DPP10: variants seen among roughly 807,000 people sequenced by gnomAD.
The protein encoded by DPP10 is dipeptidyl peptidase like 10.
A neutral mutation model predicts 120.9 loss-of-function variants in DPP10; 33 were observed. The observed-to-expected ratio is 0.27, with a 90% CI of 0.21 to 0.37. The LOEUF is 0.37. DPP10 is among the 10% of genes least tolerant of loss of function. DPP10 has a pLI of 1.00. For missense variants in DPP10, 816 were observed against 942.8 expected, an observed-to-expected ratio of 0.87 and a Z score of 1.76; for synonymous variants, 337 against 326.1, an observed-to-expected ratio of 1.03 and a Z score of -0.36.
intron 1 of DPP10, among the ~76,000 whole-genome samples, chr2:114,667,793 TAA>T (rs2105606013): frequency 6.6e-6 from 1 of 152,314 alleles, no homozygotes; most frequent in Admixed American, 6.5e-5. Flanking sequence ...GAATGCAATC[TAA>T]GTTTAATCAG....
chr2:115,124,406 T>C (rs1384244243), intron 1 of DPP10, among the ~76,000 whole-genome samples: 1 of 152,232 alleles, frequency 6.6e-6, no homozygotes, highest in Non-Finnish European at 1.5e-5. Flanking sequence ...TATCTGATCT[T>C]GAGCAGCAGT....
In DPP10 at chr2:114,452,978, G is replaced by A. The variant is rs1015792719; in HGVS notation, c.60+10140G>A. Among the ~76,000 whole-genome samples the A allele has an allele frequency of 5.9e-5, 9 of 152,160 alleles. No individual in the cohort carries two copies. The East Asian group carries it at 1.2e-3, about 20-fold the overall frequency. On this transcript the variant is annotated intron_variant, in intron 1 of 25. Transcript: ENST00000410059. ...AAAAAGTACCCCACAACTCTTGTTGGTTAGAACTAAATCTTGCACCAATTC... is the reference window on the plus strand; with the variant it reads ...AAAAAGTACCCCACAACTCTTGTTGATTAGAACTAAATCTTGCACCAATTC...
chr2:115,629,863 G>T (rs2149312619), intron 5 of DPP10, among the ~76,000 whole-genome samples: 1 of 152,164 alleles, frequency 6.6e-6, no homozygotes, highest in East Asian at 1.9e-4. Flanking sequence ...TTCTTGCCCA[G>T]AATTGTCTTG....
At chr2:115,210,068 C>T (rs1056707152) in intron 1 of DPP10, among the ~76,000 whole-genome samples, 8 of 151,960 alleles carry the variant, frequency 5.3e-5, no homozygotes, top group African/African-American at 1.9e-4. Flanking sequence ...ATGTACACAA[C>T]GTACAGGTTT....
At chr2:115,013,398 C>A (rs919470851) in intron 1 of DPP10, among the ~76,000 whole-genome samples, 1 of 151,980 alleles carries the variant, frequency 6.6e-6, no homozygotes, top group East Asian at 1.9e-4. Flanking sequence ...TGTGGGTAAC[C>A]CAGCCTTTCT....
chr2:115,464,973 C>T (rs575379273), intron 3 of DPP10, among the ~76,000 whole-genome samples: 8 of 152,162 alleles, frequency 5.3e-5, no homozygotes, highest in African/African-American at 7.2e-5. Context: ...ACCATGGTCT[C>T]GTTCTCCTTT....
chr2:115,503,615 T>C (rs892261820), intron 4 of DPP10, among the ~76,000 whole-genome samples: 4 of 152,182 alleles, frequency 2.6e-5, no homozygotes, highest in African/African-American at 9.6e-5. Context: ...GTTAATTATT[T>C]GTAAGATTTG....
At chr2:115,375,844 T>C (rs984549345) in intron 3 of DPP10, among the ~76,000 whole-genome samples, 1 of 152,138 alleles carries the variant, frequency 6.6e-6, no homozygotes, top group Admixed American at 6.5e-5. Context: ...CTCACTATGA[T>C]GAAAACAACA....
intron 5 of DPP10, among the ~76,000 whole-genome samples, chr2:115,577,965 T>A (rs546766886): frequency 6.6e-6 from 1 of 152,304 alleles, no homozygotes; most frequent in Non-Finnish European, 1.5e-5. Context: ...GCTCATAACA[T>A]TATTACAATT....
chr2:115,310,179 G>T (rs1289288509), intron 2 of DPP10, among the ~76,000 whole-genome samples: 2 of 151,968 alleles, frequency 1.3e-5, no homozygotes, highest in East Asian at 3.9e-4. Flanking sequence ...GTCATTTCTG[G>T]GATAGGATTG....
At chr2:114,522,996 T>C (rs1685200030) in intron 1 of DPP10, among the ~76,000 whole-genome samples, 2 of 152,134 alleles carry the variant, frequency 1.3e-5, no homozygotes, top group Admixed American at 6.5e-5. Context: ...GAGATTTGAG[T>C]AGGCACATGC....
chr2:114,695,404 TA>T (rs1375532942), intron 1 of DPP10, among the ~76,000 whole-genome samples: 1 of 152,084 alleles, frequency 6.6e-6, no homozygotes, highest in Non-Finnish European at 1.5e-5. Context: ...GAGTCCACAA[TA>T]AACCAATGCT....
intron 10 of DPP10, among the ~76,000 whole-genome samples, chr2:115,748,027 G>A (rs1384547779): frequency 2.0e-5 from 3 of 151,800 alleles, no homozygotes. Context: ...TTACCTATTT[G>A]TATAAATATA....
At chr2:115,410,317 C>T (rs139284564) in intron 3 of DPP10, among the ~76,000 whole-genome samples, 15 of 152,220 alleles carry the variant, frequency 9.9e-5, no homozygotes, top group African/African-American at 2.9e-4. Flanking sequence ...GGAATGAGAT[C>T]GCGCCCTTTG....
chr2:114,897,361 G>C (rs1192623768), intron 1 of DPP10, among the ~76,000 whole-genome samples: 1 of 152,072 alleles, frequency 6.6e-6, no homozygotes, highest in Non-Finnish European at 1.5e-5. Context: ...GAATCCATCT[G>C]GTCCTGGACG....
chr2:115,561,899 C>G, intron 5 of DPP10, among the ~76,000 whole-genome samples: 1 of 152,120 alleles, frequency 6.6e-6, no homozygotes, highest in East Asian at 1.9e-4. Context: ...TCTTGGAACT[C>G]CTCTCCTTTC....
At position 115,742,758 on chromosome 2, in the gene DPP10, A is replaced by G. The variant is rs115185725; in HGVS notation, c.852+2865A>G. Among the ~76,000 whole-genome samples the G allele has an allele frequency of 4.8e-3, 734 of 152,268 alleles. 6 individuals are homozygous for G. Among genetic ancestry groups the G allele is most frequent in the African/African-American group, 0.016 (656 of 41,556 alleles). ...ACTCTTATGTGATAAACTTTCAAAAAGTGCCACTTTGGAAACTGAAACAAC... is the reference window on the plus strand; with the variant it reads ...ACTCTTATGTGATAAACTTTCAAAAGGTGCCACTTTGGAAACTGAAACAAC... On this transcript the variant is annotated intron_variant, in intron 9 of 25. Transcript: ENST00000410059.
At chr2:115,681,492 A>G (rs2090647022) in intron 5 of DPP10, among the ~76,000 whole-genome samples, 1 of 151,820 alleles carries the variant, frequency 6.6e-6, no homozygotes, top group South Asian at 2.1e-4. Flanking sequence ...ACTTTTATGG[A>G]ATAAGTTAAC....
intron 1 of DPP10, among the ~76,000 whole-genome samples, chr2:114,538,290 T>A (rs1438874027): frequency 6.6e-6 from 1 of 152,148 alleles, no homozygotes; most frequent in Non-Finnish European, 1.5e-5. Flanking sequence ...AGGAAAGCAA[T>A]GCTCAGCTCT....
Sources: allele counts gnomAD v4.1 joint callset (sites outside exome capture counted in the v4.1 genomes callset), GRCh38; gene constraint gnomAD v4.1.1; transcripts MANE v1.5; gene names NCBI Gene and HGNC (gene_info 2026-07-23, HGNC 2026-07-21).